The following B4GALNT4 variants were observed in gnomAD, a reference collection of about 807,000 sequenced individuals.
The protein encoded by B4GALNT4 is N-acetyl-beta-glucosaminyl-glycoprotein 4-beta-N-acetylgalactosaminyltransferase 1.
Under a neutral mutation model 110.0 loss-of-function variants are expected in B4GALNT4, and 77 were observed. The ratio of observed to expected loss-of-function variants is 0.70; its 90% CI spans 0.58 to 0.85. The LOEUF (loss-of-function observed/expected upper bound fraction) is 0.85, where lower values mean the gene tolerates loss of function less well. Among genes scored for constraint, B4GALNT4 ranks in the 40% least tolerant of loss-of-function variants. The pLI, the probability that B4GALNT4 is intolerant of heterozygous loss-of-function variation, is 0.00. For synonymous variants in B4GALNT4, 785 were observed against 655.5 expected, an observed-to-expected ratio of 1.20 and a Z score of -3.02; for missense variants, 1,575 against 1,506.0, an observed-to-expected ratio of 1.05 and a Z score of -0.76.
In B4GALNT4 at chr11:373,022, C is replaced by A. The variant is rs772746798; in HGVS notation, c.445-4C>A. 7.4e-6 allele frequency: 12 copies of A among 1,612,338 alleles called. No individual in the cohort carries two copies. The highest frequency in any genetic ancestry group is 1.0e-5 in the Non-Finnish European group (12 of 1,179,854). On this transcript the variant is annotated splice_polypyrimidine_tract_variant and splice_region_variant and intron_variant, in intron 4 of 19. Coordinates refer to ENST00000329962, the MANE Select transcript of B4GALNT4 (RefSeq NM_178537.5). Reference sequence around the variant, plus strand: ...TTCGACAGCAACAGTCACTGCCCCCCCAGACGCGCACCACCGTGAAGAAGT... The same window carrying A: ...TTCGACAGCAACAGTCACTGCCCCCACAGACGCGCACCACCGTGAAGAAGT...
intron 8 of B4GALNT4, 106 bp from the exon 9 acceptor site, chr11:375,355 A>G (rs1846721251): frequency 3.5e-6 from 4 of 1,157,016 alleles, no homozygotes; most frequent in Admixed American, 3.4e-5. Flanking sequence ...TGCATCCTTT[A>G]AGGGATTGGT....
rs768880532 is a variant in B4GALNT4, at chr11:380,436, G to C, written c.2860G>C (p.Asp954His). ...MRLSCGSSPRDPHGYWEVNGF... is the reference protein window; with the variant it reads ...MRLSCGSSPRHPHGYWEVNGF... ...CCTGAGCTGCGGGAGCTCGCCCCGG[G>C]ACCCCCACGGTGAGGCCCCGAGCGT... Residue 954 changes from aspartate (D) to histidine (H), a missense_variant, in exon 18 of 20, where the codon GAC becomes CAC. Coordinates refer to ENST00000329962, the MANE Select transcript of B4GALNT4 (RefSeq NM_178537.5). 4.4e-6 allele frequency: 7 copies of C among 1,599,996 alleles called. No homozygotes were observed. In the Admixed American group the frequency reaches 6.8e-5, roughly 16 times the overall value.
Position 380,516 on chromosome 11 carries a change from C to CG in B4GALNT4, c.2869+75dup, listed in dbSNP as rs903377845. The CG allele has an allele frequency of 3.9e-6, 6 of 1,523,334 alleles. No homozygotes were observed. In the African/African-American group the frequency reaches 5.5e-5, roughly 14 times the overall value. The allele number at this position is 1,523,334 out of a possible 1,614,324, so 94.4% of individuals were successfully genotyped here. A position where few individuals can be genotyped will look rare whatever the true frequency, so the allele number is the denominator to read the frequency against. Reference sequence around the variant, plus strand: ...ACCGCCGCGGTAAAGTCCAGGAACCCGGGGCCTCTCTCAATTCCCAGGGGA... The same window carrying CG: ...ACCGCCGCGGTAAAGTCCAGGAACCCGGGGGCCTCTCTCAATTCCCAGGGGA... On this transcript the variant is annotated intron_variant, in intron 18 of 19. Transcript: ENST00000329962.
At position 376,347 on chromosome 11, in the gene B4GALNT4, G is replaced by T; in HGVS notation, c.1293G>T (p.Pro431=). 6.2e-7 allele frequency: 1 copy of T among 1,607,598 alleles called. No individual in the cohort carries two copies. Among genetic ancestry groups the T allele is most frequent in the East Asian group, 2.2e-5 (1 of 44,804 alleles). ...VQRRAFLFLN[P]DDFLDDEDEG... The stretch of plus-strand genomic sequence containing the variant: ...GCCGAGCCTTCCTCTTCCTCAACCC[G>T]GACGGTGAGTGTCCGCAGCGCCCCT... Residue 431 remains proline, a synonymous_variant, in exon 13 of 20, where the codon CCG becomes CCT. Coordinates refer to ENST00000329962, the MANE Select transcript of B4GALNT4 (RefSeq NM_178537.5).
At chr11:377,465 G>T in intron 14 of B4GALNT4, 138 bp downstream of exon 14, 1 of 943,008 alleles carries the variant, frequency 1.1e-6, no homozygotes, top group Non-Finnish European at 1.4e-6. Flanking sequence ...GAGGCACCGC[G>T]CCCCACCCCA....
At chr11:371,336 C>G (rs1027149384) in intron 1 of B4GALNT4, among the ~76,000 whole-genome samples, 48 of 152,160 alleles carry the variant, frequency 3.2e-4, no homozygotes, top group Admixed American at 6.5e-4. Context: ...TGCCTGTGGA[C>G]ATCTCTACTG....
intron 14 of B4GALNT4, among the ~76,000 whole-genome samples, chr11:378,392 G>A (rs1846804001): frequency 6.6e-6 from 1 of 152,210 alleles, no homozygotes; most frequent in African/African-American, 2.4e-5. Context: ...CTTCCTGAGA[G>A]CAGCTCGTCA....
intron 8 of B4GALNT4, among the ~76,000 whole-genome samples, chr11:374,080 G>A (rs954527047): frequency 6.6e-6 from 1 of 152,040 alleles, no homozygotes; most frequent in South Asian, 2.1e-4. Context: ...ATTTGGGGTG[G>A]GGTGTACGGC....
At chr11:381,224 A>G in intron 19 of B4GALNT4, 1 of 824,706 alleles carries the variant, frequency 1.2e-6, no homozygotes, top group Middle Eastern at 6.2e-4. Context: ...CTGAGTCCCC[A>G]TCATCCCACT....
chr11:370,624 CT>C (rs1289824876), intron 1 of B4GALNT4, among the ~76,000 whole-genome samples: 1 of 152,128 alleles, frequency 6.6e-6, no homozygotes, highest in Non-Finnish European at 1.5e-5. Context: ...TGACATACAC[CT>C]TTGGGGGAAA....
rs1846776884 is a variant in B4GALNT4, at chr11:377,235, A to T, written c.2112A>T (p.Arg704=). ...TGCGCTCGGACTGGAACGACCTGCGATGCAACGTTTCGGGGAACCTGCAGC... is the reference window on the plus strand; with the variant it reads ...TGCGCTCGGACTGGAACGACCTGCGTTGCAACGTTTCGGGGAACCTGCAGC... ...ELLRSDWNDL[R]CNVSGNLQLP... is the part of the protein sequence containing the mutation. The change falls in exon 14 of 20, where the codon CGA becomes CGT. Residue 704 remains arginine (R), a synonymous_variant. Transcript: ENST00000329962. The T allele has an allele frequency of 1.3e-6, 2 of 1,598,618 alleles. No individual in the cohort carries two copies. Among genetic ancestry groups the T allele is most frequent in the East Asian group, 2.3e-5 (1 of 44,092 alleles).
chr11:376,565 G>GC lies in B4GALNT4; in HGVS notation c.1447dup (p.Arg483ProfsTer195). 1 of 1,099,380 alleles carries GC rather than the reference G, an allele frequency of 9.1e-7. No individual in the cohort carries two copies. Among genetic ancestry groups the GC allele is most frequent in the East Asian group, 7.3e-5 (1 of 13,700 alleles). 68.1% of individuals were successfully genotyped at this position (1,099,380 alleles called of 1,614,324 possible). ...ACCCTCGCCCCGCCGACCCCTCCCC[G>GC]CCCCCGGGACGGGGGGACCCCCAGG... On this transcript the variant is annotated frameshift_variant, in exon 14 of 20. Transcript: ENST00000329962. LOFTEE classifies it high-confidence loss of function.
chr11:376,059 C>T lies in B4GALNT4; in HGVS notation c.1096-15C>T, dbSNP rs765890843. 12 of 1,589,976 alleles carry T rather than the reference C, an allele frequency of 7.5e-6. No homozygotes were observed. Among genetic ancestry groups the T allele is most frequent in the Non-Finnish European group, 1.0e-5 (12 of 1,160,096 alleles). ...GAGGTCCGCGCCCTGAGCCCTGCGC[C>T]CCCCCACCCCCCAGGTGTACCTGTC... On this transcript the variant is annotated splice_polypyrimidine_tract_variant and intron_variant, in intron 11 of 19. Transcript: ENST00000329962.
Position 375,698 on chromosome 11 carries a change from G to C in B4GALNT4, c.910G>C (p.Val304Leu), listed in dbSNP as rs151090425. The change falls in exon 10 of 20, where the codon GTG (valine) becomes CTG (leucine). Residue 304 changes from valine (V) to leucine (L), a missense_variant. By Grantham distance (32) the Val-to-Leu change is conservative (BLOSUM62 1). Coordinates refer to ENST00000329962, the MANE Select transcript of B4GALNT4 (RefSeq NM_178537.5). ...CGTCCCCCAGTCTCCAGCCAGCCAC[G>C]TGGGGGGGCGTCCGCCGCAGGAGGA... ...AHVPQSPASH[V>L]GGRPPQEETS... is the part of the protein sequence containing the mutation. The C allele has an allele frequency of 6.3e-7, 1 of 1,594,256 alleles. No homozygotes were observed. The highest frequency in any genetic ancestry group is 1.7e-5 in the Admixed American group (1 of 59,750).
rs1214494396 is a variant in B4GALNT4, at chr11:380,718, A to G, written c.2870-107A>G. 1.9e-6 allele frequency: 3 copies of G among 1,566,708 alleles called. No homozygotes were observed. In the African/African-American group the frequency reaches 4.1e-5, roughly 21 times the overall value. ...ACGACTCCCGGAAGCCCCCGTGGTGATGGGACCCGGCACCTGACCCCTCCC... is the reference window on the plus strand; with the variant it reads ...ACGACTCCCGGAAGCCCCCGTGGTGGTGGGACCCGGCACCTGACCCCTCCC... On this transcript the variant is annotated intron_variant, in intron 18 of 19. Coordinates refer to ENST00000329962, the MANE Select transcript of B4GALNT4 (RefSeq NM_178537.5).
chr11:381,680 C>G lies in B4GALNT4; in HGVS notation c.3008C>G (p.Ala1003Gly). ...DWELLDRVLQ[A>G]GLEVERLRLR... ...GCCCCCGGCCCCAGGGTCCTGCAGG[C>G]AGGGCTGGAGGTGGAGCGGCTCCGA... is the stretch of plus-strand genomic sequence containing the variant. Residue 1003 changes from alanine to glycine, a missense_variant, in exon 20 of 20, where the codon GCA (alanine) becomes GGA (glycine). By Grantham distance (60) the Ala-to-Gly change is moderately conservative (BLOSUM62 0). Transcript: ENST00000329962. 6.3e-7 allele frequency: 1 copy of G among 1,591,824 alleles called. No homozygotes were observed. The highest frequency in any genetic ancestry group is 8.5e-7 in the Non-Finnish European group (1 of 1,170,394).
Position 376,842 on chromosome 11 carries a change from GC to G in B4GALNT4, c.1723del (p.His575ThrfsTer51). On this transcript the variant is annotated frameshift_variant, in exon 14 of 20. Transcript: ENST00000329962. LOFTEE classifies it high-confidence loss of function. ...QLRAPPRPPRPHGRRTGGPQA... is the reference protein window; with the variant it reads ...QLRAPPRPPRXHGRRTGGPQA... Reference sequence around the variant, plus strand: ...TGCGGGCGCCCCCACGCCCACCCCGGCCCCACGGCCGCAGGACCGGCGGCCC... The same window carrying G: ...TGCGGGCGCCCCCACGCCCACCCCGGCCCACGGCCGCAGGACCGGCGGCCC... The G allele has an allele frequency of 1.5e-6, 2 of 1,327,460 alleles. No individual in the cohort carries two copies. The highest frequency in any genetic ancestry group is 9.6e-7 in the Non-Finnish European group (1 of 1,039,502). The allele number at this position is 1,327,460 out of a possible 1,614,324, so 82.2% of individuals were successfully genotyped here.
rs1846743201 is a variant in B4GALNT4, at chr11:376,093, A to T, written c.1115A>T (p.Tyr372Phe). 1.3e-6 allele frequency: 2 copies of T among 1,593,690 alleles called. No individual in the cohort carries two copies. The highest frequency in any genetic ancestry group is 3.4e-5 in the Admixed American group (2 of 58,592). Residue 372 changes from tyrosine to phenylalanine, a missense_variant, in exon 12 of 20, where the codon TAT becomes TTT. Physicochemically the swap from Tyr to Phe is conservative, Grantham distance 22. Transcript: ENST00000329962. ...CCCCAGGTGTACCTGTCCTTCGTTT[A>T]TCCCAACGACTACACTCGCCTCACC... The part of the protein sequence containing the change: ...GLQFVYLSFV[Y>F]PNDYTRLTHM...
Position 373,113 on chromosome 11 carries a change from G to T in B4GALNT4, c.532G>T (p.Asp178Tyr). 2 of 1,612,616 alleles carry T rather than the reference G, an allele frequency of 1.2e-6. No individual in the cohort carries two copies. Among genetic ancestry groups the T allele is most frequent in the Non-Finnish European group, 1.7e-6 (2 of 1,179,902 alleles). The change falls in exon 5 of 20, where the codon GAC becomes TAC. Residue 178 changes from aspartate (D) to tyrosine (Y), a missense_variant. Coordinates refer to ENST00000329962, the MANE Select transcript of B4GALNT4 (RefSeq NM_178537.5). ...TTTTGGTTTCATCCACCCGGCGAGGGACGGTACGGGGGTGAGGGTGCCCCG... is the reference window on the plus strand; with the variant it reads ...TTTTGGTTTCATCCACCCGGCGAGGTACGGTACGGGGGTGAGGGTGCCCCG... ...RIFGFIHPAR[D>Y]GDVQFSVASD...
Sources: allele counts gnomAD v4.1 joint callset (sites outside exome capture counted in the v4.1 genomes callset), GRCh38; gene constraint gnomAD v4.1.1; transcripts MANE v1.5; gene names NCBI Gene and HGNC (gene_info 2026-07-23, HGNC 2026-07-21).